Variants in TRAPPC10 observed in about 807,000 individuals in gnomAD.
The protein encoded by TRAPPC10 is trafficking protein particle complex subunit 10, also known as TRAPP 130 kDa subunit.
A neutral mutation model predicts 125.5 loss-of-function variants in TRAPPC10; 23 were observed. The ratio of observed to expected loss-of-function variants is 0.18; its 90% confidence interval spans 0.13 to 0.26. The LOEUF is 0.26. Among genes scored for constraint, TRAPPC10 ranks in the 10% least tolerant of loss-of-function variants. The pLI is 1.00. For missense variants in TRAPPC10, 1,123 were observed against 1,308.4 expected, an observed-to-expected ratio of 0.86 and a Z score of 2.19; for synonymous variants, 509 against 518.0, an observed-to-expected ratio of 0.98 and a Z score of 0.24.
At position 44,077,034 on chromosome 21, in the gene TRAPPC10, T is replaced by TTA. The variant is rs2037338209; in HGVS notation, c.1377+406_1377+407insTA. ...TAGGCAGAAGTGTGGTGGGTCAGCGTCATTCCCGGGTCATGGGCAACTTGA... is the reference window on the plus strand; with the variant it reads ...TAGGCAGAAGTGTGGTGGGTCAGCGTTACATTCCCGGGTCATGGGCAACTTGA... On this transcript the variant is annotated intron_variant, in intron 10 of 22. Transcript: ENST00000291574. Among the ~76,000 whole-genome samples the TTA allele has an allele frequency of 2.0e-5, 3 of 152,198 alleles. No homozygotes were observed. The East Asian group carries it at 5.8e-4, about 29-fold the overall frequency.
At position 44,082,947 on chromosome 21, in the gene TRAPPC10, A is replaced by G. The variant is rs368861904; in HGVS notation, c.1883A>G (p.Asn628Ser). 5.0e-6 allele frequency: 8 copies of G among 1,613,984 alleles called. No individual in the cohort carries two copies. The African/African-American group carries it at 6.7e-5, about 13-fold the overall frequency. Reference protein sequence around the residue: ...VPVHVEQIVVNVHFSIEKNSY... With the variant: ...VPVHVEQIVVSVHFSIEKNSY... ...GTTCACGTGGAGCAGATTGTGGTCA[A>G]TGTCCACTTCAGCATTGAGAAAAAC... The change falls in exon 14 of 23, where the codon AAT becomes AGT. Residue 628 changes from asparagine to serine, a missense_variant. Around this residue, in one of 4 missense-constraint regions of TRAPPC10, gnomAD observed 840 missense variants for 902.0 expected, o/e 0.93. Coordinates refer to ENST00000291574, the MANE Select transcript of TRAPPC10 (RefSeq NM_003274.5). The surrounding 1 kb of genome is among the most constrained non-coding windows in gnomAD (Gnocchi z 4.4).
intron 17 of TRAPPC10, 103 bp from the exon 18 acceptor site, chr21:44,089,730 C>A: frequency 1.2e-6 from 1 of 802,498 alleles, no homozygotes; most frequent in Non-Finnish European, 2.2e-6. Context: ...AATAAAATGT[C>A]TAGGGCGTGG....
intron 1 of TRAPPC10, among the ~76,000 whole-genome samples, chr21:44,026,269 G>C (rs2033061553): frequency 6.6e-6 from 1 of 152,072 alleles, no homozygotes; most frequent in Non-Finnish European, 1.5e-5. Flanking sequence ...GAGCACCGGG[G>C]AGGCTTCCAT....
At position 44,080,017 on chromosome 21, in the gene TRAPPC10, A is replaced by G. The variant is rs758599762; in HGVS notation, c.1613A>G (p.Tyr538Cys). ...CQKHLGQIEN[Y>C]LQTSSLLASD... ...CGCTCCTTACCTCTCCGCTCCAGCT[A>G]CCTGCAGACCAGCAGCCTCTTAGCC... is the stretch of plus-strand genomic sequence containing the variant. The change falls in exon 13 of 23, where the codon TAC becomes TGC. Residue 538 changes from tyrosine to cysteine, a missense_variant and splice_region_variant. Transcript: ENST00000291574. 51 of 1,613,810 alleles carry G rather than the reference A, an allele frequency of 3.2e-5. No homozygotes were observed. The highest frequency in any genetic ancestry group is 4.0e-5 in the Non-Finnish European group (47 of 1,179,884).
chr21:44,064,022 A>T (rs1315787387), intron 7 of TRAPPC10, among the ~76,000 whole-genome samples: 1 of 152,184 alleles, frequency 6.6e-6, no homozygotes, highest in East Asian at 1.9e-4. Context: ...AGCCTCTTAG[A>T]TGAGCTTCTC....
intron 17 of TRAPPC10, 59 bp from the exon 18 acceptor site, chr21:44,089,774 T>TG: frequency 7.5e-7 from 1 of 1,337,290 alleles, no homozygotes. Flanking sequence ...GCAGCAGTGG[T>TG]GGTGGCTGTG....
chr21:44,091,472 G>A (rs142342646), intron 18 of TRAPPC10, among the ~76,000 whole-genome samples: 1 of 151,774 alleles, frequency 6.6e-6, no homozygotes, highest in African/African-American at 2.4e-5. Context: ...ATGGAGTCTC[G>A]CCCTGTCACC....
intron 7 of TRAPPC10, among the ~76,000 whole-genome samples, chr21:44,068,846 C>T (rs1285417189): frequency 6.6e-6 from 1 of 152,114 alleles, no homozygotes; most frequent in Non-Finnish European, 1.5e-5. Flanking sequence ...AAGTGATCTA[C>T]CCTCCTCAGC....
At chr21:44,038,997 G>A (rs2034203902) in intron 3 of TRAPPC10, among the ~76,000 whole-genome samples, 1 of 152,244 alleles carries the variant, frequency 6.6e-6, no homozygotes, top group Admixed American at 6.5e-5. Context: ...TGCCTGAGAA[G>A]GACACTGTCC....
intron 1 of TRAPPC10, among the ~76,000 whole-genome samples, chr21:44,016,732 A>C (rs187306707): frequency 4.1e-3 from 630 of 152,066 alleles, no homozygotes; most frequent in South Asian, 0.014. Context: ...GATCTTGGCT[A>C]ACTGCAAGCT....
intron 4 of TRAPPC10, among the ~76,000 whole-genome samples, chr21:44,053,792 G>T (rs2255016): frequency 0.21 from 32,015 of 151,994 alleles, 3,906 homozygotes; most frequent in African/African-American, 0.33. Context: ...CGCCTGGGGG[G>T]ATCACGCCGC....
intron 2 of TRAPPC10, among the ~76,000 whole-genome samples, chr21:44,033,409 G>A (rs1307140763): frequency 1.3e-5 from 2 of 152,098 alleles, no homozygotes; most frequent in Non-Finnish European, 2.9e-5. Context: ...TGTACAGAGT[G>A]TAAGAGAAAA....
At chr21:44,080,994 A>G (rs1465340748) in intron 13 of TRAPPC10, among the ~76,000 whole-genome samples, 6 of 146,572 alleles carry the variant, frequency 4.1e-5, no homozygotes, top group African/African-American at 1.5e-4. Context: ...ACCACAGTCA[A>G]TATTATTGTT....
chr21:44,035,621 T>C (rs1469643797), intron 2 of TRAPPC10, among the ~76,000 whole-genome samples: 1 of 151,900 alleles, frequency 6.6e-6, no homozygotes, highest in African/African-American at 2.4e-5. Context: ...CTTCTAAAAA[T>C]ACAAAATTAG....
At chr21:44,025,217 C>T (rs1473819978) in intron 1 of TRAPPC10, among the ~76,000 whole-genome samples, 3 of 152,192 alleles carry the variant, frequency 2.0e-5, no homozygotes, top group Non-Finnish European at 4.4e-5. Flanking sequence ...GCCTCAGCTC[C>T]CTCCTGAGTG....
At position 44,076,504 on chromosome 21, in the gene TRAPPC10, C is replaced by A. The variant is rs553240709; in HGVS notation, c.1301-48C>A. On this transcript the variant is annotated intron_variant, in intron 9 of 22. Coordinates refer to ENST00000291574, the MANE Select transcript of TRAPPC10 (RefSeq NM_003274.5). Reference sequence around the variant, plus strand: ...TGAAGGTGAATGTAAAGTCATGTGACTGGACATGATGAAGATGAAGAGGGA... The same window carrying A: ...TGAAGGTGAATGTAAAGTCATGTGAATGGACATGATGAAGATGAAGAGGGA... 55 of 1,442,834 alleles carry A rather than the reference C, an allele frequency of 3.8e-5. 1 individual carries two copies. The South Asian group carries it at 5.9e-4, about 16-fold the overall frequency. 89.4% of individuals were successfully genotyped at this position (1,442,834 alleles called of 1,614,324 possible). A position where few individuals can be genotyped will look rare whatever the true frequency, so the allele number is the denominator to read the frequency against.
chr21:44,083,893 T>C (rs888013528), intron 14 of TRAPPC10, among the ~76,000 whole-genome samples: 19 of 152,186 alleles, frequency 1.2e-4, no homozygotes, highest in African/African-American at 4.6e-4. Context: ...AAATACCTTA[T>C]TAAAGTTAAA....
intron 1 of TRAPPC10, among the ~76,000 whole-genome samples, chr21:44,029,554 C>T (rs2033390388): frequency 6.6e-6 from 1 of 152,180 alleles, no homozygotes; most frequent in Admixed American, 6.5e-5. Flanking sequence ...AATGCAGCGC[C>T]TCAGTGGGTT....
intron 1 of TRAPPC10, among the ~76,000 whole-genome samples, chr21:44,025,031 G>A (rs764426289): frequency 6.6e-6 from 1 of 152,198 alleles, no homozygotes; most frequent in Non-Finnish European, 1.5e-5. Flanking sequence ...TCGATATTCC[G>A]TGGTTTATTC....
Sources: allele counts gnomAD v4.1 joint callset (sites outside exome capture counted in the v4.1 genomes callset), GRCh38; gene constraint gnomAD v4.1.1; regional missense constraint gnomAD v4.1.1; non-coding constraint Gnocchi (gnomAD v3.1); transcripts MANE v1.5; gene names NCBI Gene and HGNC (gene_info 2026-07-23, HGNC 2026-07-21).